The following TENM4 variants were observed in gnomAD, a reference collection of about 807,000 sequenced individuals.
The protein encoded by TENM4 is teneurin-4.
Under a neutral mutation model 243.3 loss-of-function variants are expected in TENM4, and 82 were observed. The observed-to-expected ratio is 0.34, with a 90% CI of 0.28 to 0.40. The LOEUF is 0.40. TENM4 is among the 10% of genes least tolerant of loss of function. The pLI is 1.00. For missense variants in TENM4, 3,138 were observed against 3,673.3 expected (o/e 0.85, Z 3.77); for synonymous variants, 1,412 against 1,456.3 (o/e 0.97, Z 0.69).
At chr11:79,217,639 G>A (rs1368665518) in intron 2 of TENM4, among the ~76,000 whole-genome samples, 2 of 152,166 alleles carry the variant, frequency 1.3e-5, no homozygotes, top group African/African-American at 4.8e-5. Context: ...CTATTAGGCA[G>A]GAACATTCAG....
rs144245644 is a variant in TENM4 at position 79,219,507 on chromosome 11, C to T, written c.-264-3598G>A. Among the ~76,000 whole-genome samples the T allele has an allele frequency of 5.4e-3, 821 of 152,256 alleles. 9 individuals are homozygous for T. The highest frequency in any genetic ancestry group is 0.019 in the African/African-American group (780 of 41,536). On this transcript the variant is annotated intron_variant, in intron 2 of 33. Transcript: ENST00000278550. ...CAGGCATTGGGCAGGCTATTAGGTGCTTTGATGTTATTTAGCCTTCTAAAT... is the reference window on the plus strand; with the variant it reads ...CAGGCATTGGGCAGGCTATTAGGTGTTTTGATGTTATTTAGCCTTCTAAAT...
chr11:78,970,682 T>C (rs953321275), intron 6 of TENM4, among the ~76,000 whole-genome samples: 2 of 152,164 alleles, frequency 1.3e-5, no homozygotes, highest in African/African-American at 4.8e-5. Context: ...TAAGGTTCCT[T>C]TATGGTCCAA....
At chr11:78,900,731 A>G (rs118138339) in intron 7 of TENM4, among the ~76,000 whole-genome samples, 8,074 of 152,236 alleles carry the variant, frequency 0.053, 266 homozygotes, top group Non-Finnish European at 0.082. Context: ...AGTAAGCGTT[A>G]AAGCCAAGGC....
intron 1 of TENM4, among the ~76,000 whole-genome samples, chr11:79,401,064 G>T (rs1858450586): frequency 6.6e-6 from 1 of 152,182 alleles, no homozygotes; most frequent in African/African-American, 2.4e-5. Flanking sequence ...AAAATCAGTG[G>T]TACAGTAGAT....
chr11:78,980,104 C>A (rs1431985309), intron 6 of TENM4, among the ~76,000 whole-genome samples: 4 of 152,186 alleles, frequency 2.6e-5, no homozygotes, highest in Admixed American at 1.3e-4. Context: ...AGAAACTGCC[C>A]TCAAGCTTTC....
At chr11:79,219,652 C>G (rs1424826570) in intron 2 of TENM4, among the ~76,000 whole-genome samples, 1 of 152,176 alleles carries the variant, frequency 6.6e-6, no homozygotes, top group Non-Finnish European at 1.5e-5. Flanking sequence ...AGATCCAAAC[C>G]CTGTTCTTTT....
intron 4 of TENM4, among the ~76,000 whole-genome samples, chr11:79,072,433 G>A (rs1860437258): frequency 6.6e-6 from 1 of 151,888 alleles, no homozygotes; most frequent in South Asian, 2.1e-4. Flanking sequence ...GCTATAGTGA[G>A]CTGTGATGGT....
At chr11:78,865,059 G>A (rs373614826) in intron 9 of TENM4, among the ~76,000 whole-genome samples, 4 of 152,194 alleles carry the variant, frequency 2.6e-5, no homozygotes, top group South Asian at 4.2e-4. Context: ...AATCCTCATG[G>A]CAATCTCACC....
rs745559225 is a variant in TENM4 at position 78,658,622 on chromosome 11, G to A, written c.7746C>T (p.Asp2582=). The part of the protein sequence containing the change: ...FALKDGRVTT[D]IISVANEDGR... ...CATCCTCATTGGCCACACTGATGATGTCTGTGGTCACTCGGCCATCCTTCA... is the reference window on the plus strand; with the variant it reads ...CATCCTCATTGGCCACACTGATGATATCTGTGGTCACTCGGCCATCCTTCA... Residue 2582 remains aspartate, a synonymous_variant, in exon 34 of 34, where the codon GAC becomes GAT. Transcript: ENST00000278550. 34 of 1,613,944 alleles carry A rather than the reference G, an allele frequency of 2.1e-5. No homozygotes were observed. The highest frequency in any genetic ancestry group is 2.7e-5 in the Non-Finnish European group (32 of 1,179,906).
In TENM4 at chr11:79,018,695, T is replaced by C. The variant is rs76645718; in HGVS notation, c.493+46043A>G. Among the ~76,000 whole-genome samples the C allele has an allele frequency of 3.9e-4, 59 of 152,280 alleles. No individual in the cohort carries two copies. The East Asian group carries it at 9.6e-3, about 25-fold the overall frequency. On this transcript the variant is annotated intron_variant, in intron 6 of 33. Coordinates refer to ENST00000278550, the MANE Select transcript of TENM4 (RefSeq NM_001098816.3). ...CTCTCCCCCACGCTTATTTTCAGAA[T>C]GGGTTTAATATGTGCATTGTGATTT...
chr11:78,836,364 A>C (rs928483080), intron 12 of TENM4, among the ~76,000 whole-genome samples: 3 of 152,192 alleles, frequency 2.0e-5, no homozygotes, highest in Non-Finnish European at 2.9e-5. Flanking sequence ...AAGTAAACAA[A>C]AAAACAAGAA....
Position 79,440,028 on chromosome 11 carries a change from A to T in TENM4, c.-321+481T>A, listed in dbSNP as rs893017827. Among the ~76,000 whole-genome samples, 1 of 152,112 alleles carries T rather than the reference A, an allele frequency of 6.6e-6. No homozygotes were observed. The highest frequency in any genetic ancestry group is 2.0e-4 in the East Asian group (1 of 5,094). Reference sequence around the variant, plus strand: ...ACCACCGCCCGTGCGGGGCTGCTGCAGCCGGCACTTGCCCCGCAGGGCAGG... The same window carrying T: ...ACCACCGCCCGTGCGGGGCTGCTGCTGCCGGCACTTGCCCCGCAGGGCAGG... On this transcript the variant is annotated intron_variant, in intron 1 of 33. Coordinates refer to ENST00000278550, the MANE Select transcript of TENM4 (RefSeq NM_001098816.3). The surrounding 1 kb of genome is among the most constrained non-coding windows in gnomAD (Gnocchi z 4.7).
At chr11:79,053,689 G>A (rs550459088) in intron 6 of TENM4, among the ~76,000 whole-genome samples, 1 of 152,142 alleles carries the variant, frequency 6.6e-6, no homozygotes, top group Non-Finnish European at 1.5e-5. Context: ...TTGTCACTTT[G>A]GGGAGAGTTT....
In TENM4 at chr11:78,787,096, G is replaced by A. The variant is rs1197466758; in HGVS notation, c.2180-13C>T. ...GCAGCACAGATCTCTGTGGGGAGGA[G>A]CAGAAGAAGGGAGGACACCAGGGCC... On this transcript the variant is annotated splice_polypyrimidine_tract_variant and intron_variant, in intron 15 of 33. Transcript: ENST00000278550. 6.5e-7 allele frequency: 1 copy of A among 1,534,672 alleles called. No homozygotes were observed. Among genetic ancestry groups the A allele is most frequent in the Admixed American group, 2.0e-5 (1 of 50,250 alleles).
At chr11:78,750,572 T>C (rs1381427689) in intron 19 of TENM4, among the ~76,000 whole-genome samples, 1 of 152,196 alleles carries the variant, frequency 6.6e-6, no homozygotes, top group Non-Finnish European at 1.5e-5. Flanking sequence ...TCTCATGGTG[T>C]AGGCTCAGGG....
chr11:78,952,553 G>T (rs540890731), intron 6 of TENM4, among the ~76,000 whole-genome samples: 9 of 152,312 alleles, frequency 5.9e-5, no homozygotes, highest in African/African-American at 1.9e-4. Context: ...GAATGTTTTG[G>T]CTAAGAGGAG....
intron 4 of TENM4, among the ~76,000 whole-genome samples, chr11:79,146,112 T>G (rs944046862): frequency 1.3e-5 from 2 of 152,130 alleles, no homozygotes; most frequent in African/African-American, 4.8e-5. Flanking sequence ...TTTACTTTAA[T>G]AAATGCTGAT....
chr11:78,960,377 C>T (rs779648172), intron 6 of TENM4, among the ~76,000 whole-genome samples: 6 of 152,204 alleles, frequency 3.9e-5, no homozygotes, highest in Middle Eastern at 3.4e-3. Context: ...ACAGTGGAAG[C>T]GGGGAGGTCC....
chr11:79,241,823 C>T lies in TENM4; in HGVS notation c.-264-25914G>A, dbSNP rs118181887. ...GAATCCCCTCAAGCCCAGATAGTCTCAAATCAACCCCCACTCATCCCTGAG... is the reference window on the plus strand; with the variant it reads ...GAATCCCCTCAAGCCCAGATAGTCTTAAATCAACCCCCACTCATCCCTGAG... On this transcript the variant is annotated intron_variant, in intron 2 of 33. Coordinates refer to ENST00000278550, the MANE Select transcript of TENM4 (RefSeq NM_001098816.3). Among the ~76,000 whole-genome samples, 62 of 152,262 alleles carry T rather than the reference C, an allele frequency of 4.1e-4. No homozygotes were observed. In the East Asian group the frequency reaches 0.011, roughly 27 times the overall value.
Sources: allele counts gnomAD v4.1 joint callset (sites outside exome capture counted in the v4.1 genomes callset), GRCh38; gene constraint gnomAD v4.1.1; non-coding constraint Gnocchi (gnomAD v3.1); transcripts MANE v1.5; gene names NCBI Gene and HGNC (gene_info 2026-07-23, HGNC 2026-07-21).